Variants in CNTRL observed in about 807,000 individuals in gnomAD.
CNTRL encodes the protein centriolin.
Under a neutral mutation model 303.7 loss-of-function variants are expected in CNTRL, and 233 were observed. The ratio of observed to expected loss-of-function variants is 0.77; its 90% CI spans 0.69 to 0.86. The LOEUF (loss-of-function observed/expected upper bound fraction) is 0.86, where lower values mean the gene tolerates loss of function less well. Ranked by LOEUF, CNTRL falls within the 40% of genes least tolerant of loss-of-function variation. The pLI, the probability that CNTRL is intolerant of heterozygous loss-of-function variation, is 0.00. For missense variants in CNTRL, 2,524 were observed against 2,650.6 expected (o/e 0.95, Z 1.05); for synonymous variants, 900 against 922.2 (o/e 0.98, Z 0.44).
intron 7 of CNTRL, among the ~76,000 whole-genome samples, chr9:121,101,966 A>G (rs1417202457): frequency 6.6e-6 from 1 of 152,218 alleles, no homozygotes; most frequent in Non-Finnish European, 1.5e-5. Flanking sequence ...GAATTCTACC[A>G]GAGGTACAAA....
Position 121,125,738 on chromosome 9 carries a change from C to T in CNTRL, c.1827C>T (p.Ala609=). The T allele has an allele frequency of 6.2e-7, 1 of 1,613,980 alleles. No homozygotes were observed. Among genetic ancestry groups the T allele is most frequent in the South Asian group, 1.1e-5 (1 of 91,070 alleles). The change falls in exon 14 of 44, where the codon GCC becomes GCT. Residue 609 remains alanine, a synonymous_variant. Coordinates refer to ENST00000373855, the MANE Select transcript of CNTRL (RefSeq NM_007018.6). Reference sequence around the variant, plus strand: ...TAGGCCAGATAGCAGCAAATGAAGCCCTGAAGAAGGATTTAGAAGGTGTTA... The same window carrying T: ...TAGGCCAGATAGCAGCAAATGAAGCTCTGAAGAAGGATTTAGAAGGTGTTA... ...LTEGQIAANE[A]LKKDLEGVIS...
Position 121,143,959 on chromosome 9 carries a change from G to A in CNTRL, c.2928G>A (p.Leu976=). ...AAGTTTTTGGTTTAGATAAAGAACT[G>A]AAGAAACTAAAGAAAGCCGTGGCCA... ...QEQVFGLDKE[L]KKLKKAVATS... The change falls in exon 20 of 44, where the codon CTG becomes CTA. Residue 976 remains leucine (L), a synonymous_variant. Coordinates refer to ENST00000373855, the MANE Select transcript of CNTRL (RefSeq NM_007018.6). 1 of 1,613,462 alleles carries A rather than the reference G, an allele frequency of 6.2e-7. No individual in the cohort carries two copies. Among genetic ancestry groups the A allele is most frequent in the East Asian group, 2.2e-5 (1 of 44,868 alleles).
At chr9:121,079,362 T>C (rs1476278426) in intron 1 of CNTRL, among the ~76,000 whole-genome samples, 1 of 152,114 alleles carries the variant, frequency 6.6e-6, no homozygotes, top group Non-Finnish European at 1.5e-5. Flanking sequence ...ACATTTAAGT[T>C]CACAGTTTGA....
chr9:121,169,548 G>A (rs1408156079), intron 38 of CNTRL, 63 bp from the exon 39 acceptor site: 1 of 1,503,432 alleles, frequency 6.7e-7, no homozygotes, highest in Non-Finnish European at 9.2e-7. Context: ...ACAAGGGAAG[G>A]GGAGCTCTGC....
At chr9:121,114,378 C>T (rs1412787407) in intron 10 of CNTRL, among the ~76,000 whole-genome samples, 1 of 152,200 alleles carries the variant, frequency 6.6e-6, no homozygotes, top group Non-Finnish European at 1.5e-5. Context: ...GTGGTGCTCT[C>T]AGTCAGACCA....
intron 13 of CNTRL, among the ~76,000 whole-genome samples, chr9:121,124,709 G>A (rs1463666078): frequency 6.6e-6 from 1 of 151,336 alleles, no homozygotes; most frequent in Non-Finnish European, 1.5e-5. Context: ...AGGCTGAGGC[G>A]GGCATATCAT....
chr9:121,120,538 A>C (rs1196775916), intron 12 of CNTRL, among the ~76,000 whole-genome samples: 1 of 152,156 alleles, frequency 6.6e-6, no homozygotes, highest in Admixed American at 6.5e-5. Flanking sequence ...ATCCCCAGGG[A>C]CCAACCAGCC....
At chr9:121,155,140 T>G (rs1261302532) in intron 27 of CNTRL, among the ~76,000 whole-genome samples, 4 of 152,210 alleles carry the variant, frequency 2.6e-5, no homozygotes, top group Non-Finnish European at 4.4e-5. Context: ...TAAGAATACG[T>G]AGGCTTTTCG....
intron 25 of CNTRL, among the ~76,000 whole-genome samples, chr9:121,151,815 T>C (rs2052279800): frequency 6.6e-6 from 1 of 152,172 alleles, no homozygotes; most frequent in East Asian, 1.9e-4. Flanking sequence ...GAAGATAAAC[T>C]AGGGCACATG....
chr9:121,146,242 C>A lies in CNTRL; in HGVS notation c.3445C>A (p.Pro1149Thr). 1 of 1,608,584 alleles carries A rather than the reference C, an allele frequency of 6.2e-7. No homozygotes were observed. ...RRGYWYFMPP[P>T]PSSKVSSHSS... is the part of the protein sequence containing the mutation. ...AGGCTATTGGTACTTTATGCCACCA[C>A]CACCATCATCAAAAGTAGGAATTCT... The change falls in exon 23 of 44, where the codon CCA becomes ACA. Residue 1149 changes from proline (P) to threonine (T), a missense_variant. Physicochemically the swap from Pro to Thr is conservative, Grantham distance 38. Coordinates refer to ENST00000373855, the MANE Select transcript of CNTRL (RefSeq NM_007018.6).
At chr9:121,163,879 T>TG (rs2052971486) in intron 34 of CNTRL, among the ~76,000 whole-genome samples, 1 of 151,590 alleles carries the variant, frequency 6.6e-6, no homozygotes, top group Non-Finnish European at 1.5e-5. Flanking sequence ...TTTTTTTTTT[T>TG]TTTGAGATGG....
At chr9:121,128,818 A>G (rs1282675669) in intron 14 of CNTRL, among the ~76,000 whole-genome samples, 1 of 152,176 alleles carries the variant, frequency 6.6e-6, no homozygotes, top group Non-Finnish European at 1.5e-5. Context: ...TAATTTTTGT[A>G]TAAGGTGTAA....
intron 40 of CNTRL, among the ~76,000 whole-genome samples, chr9:121,172,659 C>T (rs1040476037): frequency 1.3e-5 from 2 of 151,638 alleles, no homozygotes; most frequent in African/African-American, 2.4e-5. Context: ...CAAAACAAAA[C>T]AAAAATGTAT....
chr9:121,171,593 C>T lies in CNTRL; in HGVS notation c.6417+45C>T, dbSNP rs1306555414. 7 of 1,589,512 alleles carry T rather than the reference C, an allele frequency of 4.4e-6. No individual in the cohort carries two copies. In the South Asian group the frequency reaches 6.8e-5, roughly 15 times the overall value. On this transcript the variant is annotated intron_variant, in intron 40 of 43. Transcript: ENST00000373855. ...AGCTGGCCAGCCTGGGGAGAGAGGACTCACTGGGCTCAGGCAGATTGTATT... is the reference window on the plus strand; with the variant it reads ...AGCTGGCCAGCCTGGGGAGAGAGGATTCACTGGGCTCAGGCAGATTGTATT...
In CNTRL at chr9:121,159,034, AG is replaced by A; in HGVS notation, c.4929+18del. ...ATCACATTAGGGTGTGTTTTTTATT[AG>A]GGTTTTCTGAAGAGTCGTAGGACAG... On this transcript the variant is annotated intron_variant, in intron 31 of 43. Transcript: ENST00000373855. 2 of 1,611,942 alleles carry A rather than the reference AG, an allele frequency of 1.2e-6. No individual in the cohort carries two copies. The highest frequency in any genetic ancestry group is 1.7e-6 in the Non-Finnish European group (2 of 1,178,834).
Position 121,177,395 on chromosome 9 carries a change from A to G in CNTRL, c.*209A>G. 2.3e-6 allele frequency: 1 copy of G among 430,050 alleles called. No individual in the cohort carries two copies. The highest frequency in any genetic ancestry group is 2.1e-5 in the African/African-American group (1 of 48,506). 26.6% of individuals were successfully genotyped at this position (430,050 alleles called of 1,614,324 possible). ...ACATATGGGAATAGTTGCATATGGG[A>G]ATTTAAACCAACATGTGGCTGAGCC... On this transcript the variant is annotated 3_prime_UTR_variant, in exon 44 of 44. Transcript: ENST00000373855.
intron 6 of CNTRL, among the ~76,000 whole-genome samples, chr9:121,097,950 T>C (rs2048962587): frequency 6.6e-6 from 1 of 152,214 alleles, no homozygotes; most frequent in East Asian, 1.9e-4. Context: ...AGCACAGTTA[T>C]CTGAAGATTT....
Position 121,144,973 on chromosome 9 carries a change from C to T in CNTRL, c.3168+14C>T. On this transcript the variant is annotated intron_variant, in intron 21 of 43. Coordinates refer to ENST00000373855, the MANE Select transcript of CNTRL (RefSeq NM_007018.6). The stretch of plus-strand genomic sequence containing the variant: ...AAGGGGGAGCAGGTCAGTGTTGGTA[C>T]CCAGAGACCTCCTCTTTCTCAGATT... 1.9e-6 allele frequency: 3 copies of T among 1,575,508 alleles called. No homozygotes were observed. Among genetic ancestry groups the T allele is most frequent in the Non-Finnish European group, 2.6e-6 (3 of 1,145,550 alleles).
intron 4 of CNTRL, among the ~76,000 whole-genome samples, chr9:121,094,353 G>A (rs1056664573): frequency 6.6e-6 from 1 of 152,086 alleles, no homozygotes; most frequent in African/African-American, 2.4e-5. Flanking sequence ...GAGCAAGAGA[G>A]CAAAAGATCC....
Sources: allele counts gnomAD v4.1 joint callset (sites outside exome capture counted in the v4.1 genomes callset), GRCh38; gene constraint gnomAD v4.1.1; transcripts MANE v1.5; gene names NCBI Gene and HGNC (gene_info 2026-07-23, HGNC 2026-07-21).